Variants in PRH1 observed in about 807,000 individuals in gnomAD.
The protein encoded by PRH1 is proline rich protein HaeIII subfamily 1.
A neutral mutation model predicts 7.9 loss-of-function variants in PRH1; 7 were observed. The ratio of observed to expected loss-of-function variants is 0.89; its 90% confidence interval spans 0.50 to 1.67. The LOEUF is 1.67. Ranked by LOEUF, PRH1 falls within the 40% of genes most tolerant of loss-of-function variation. PRH1 has a pLI of 0.00. For missense variants in PRH1, 109 were observed against 223.6 expected (o/e 0.49, Z 3.27); for synonymous variants, 45 against 80.8 (o/e 0.56, Z 2.38).
intron 1 of PRH1, chr12:10,997,067 A>G (rs760082535): frequency 6.2e-7 from 1 of 1,614,082 alleles, no homozygotes; most frequent in African/African-American, 1.3e-5. Context: ...TGATGGATAT[A>G]TGATTCCAAA....
chr12:11,153,561 T>TCC (rs1947166496), intron 1 of PRH1, among the ~76,000 whole-genome samples: 1 of 152,096 alleles, frequency 6.6e-6, no homozygotes, highest in Non-Finnish European at 1.5e-5. Flanking sequence ...GCACTCTTCC[T>TCC]CCCCTCGCTG....
In PRH1 at chr12:11,097,802, G is replaced by T. The variant is rs187284081; in HGVS notation, n.124-50614C>A. ...TGCTATTTGGTAAATGTGATTTCAGGCTTGTTTCTAAGTACTGGAGCTCAG... is the reference window on the plus strand; with the variant it reads ...TGCTATTTGGTAAATGTGATTTCAGTCTTGTTTCTAAGTACTGGAGCTCAG... On this transcript the variant is annotated intron_variant and non_coding_transcript_variant, in intron 1 of 4. Transcript: ENST00000541977. 8.8e-4 allele frequency among the ~76,000 whole-genome samples: 100 copies of T among 113,210 alleles called. 27 individuals carry two copies. Among genetic ancestry groups the T allele is most frequent in the African/African-American group, 2.7e-3 (91 of 34,078 alleles). 74.3% of individuals were successfully genotyped at this position (113,210 alleles called of 152,430 possible).
At chr12:11,131,106 A>G (rs182118357) in intron 1 of PRH1, among the ~76,000 whole-genome samples, 1 of 151,764 alleles carries the variant, frequency 6.6e-6, no homozygotes, top group East Asian at 1.9e-4. Context: ...AGACAGAACA[A>G]CAGAGATGGT....
chr12:10,913,925 C>G (rs950023670), intron 2 of PRH1, among the ~76,000 whole-genome samples: 1 of 152,188 alleles, frequency 6.6e-6, no homozygotes, highest in Admixed American at 6.5e-5. Context: ...ACTTCTCCTA[C>G]GTGGAGTCCC....
chr12:11,077,645 A>C, intron 1 of PRH1: 1 of 1,281,110 alleles, frequency 7.8e-7, no homozygotes, highest in Non-Finnish European at 1.1e-6. Context: ...TGCAGAGAAC[A>C]GATTAACAGC....
chr12:11,169,442 A>G (rs976607241), intron 1 of PRH1, among the ~76,000 whole-genome samples: 10 of 152,302 alleles, frequency 6.6e-5, no homozygotes, highest in African/African-American at 1.9e-4. Flanking sequence ...TCCCATTGGA[A>G]TAGGCCCTCA....
In PRH1 at chr12:10,951,091, A is replaced by G. The variant is rs1023367119; in HGVS notation, c.-59+22564T>C. Among the ~76,000 whole-genome samples, 10 of 152,286 alleles carry G rather than the reference A, an allele frequency of 6.6e-5. No homozygotes were observed. In the East Asian group the frequency reaches 1.5e-3, roughly 23 times the overall value. On this transcript the variant is annotated intron_variant, in intron 2 of 3. Coordinates refer to the PRH1 transcript ENST00000539853. ...ATGAGTTCAATGCTGCCTTTATGGA[A>G]AAAATGTAATTTTCAAAACGGCTCA...
intron 1 of PRH1, among the ~76,000 whole-genome samples, chr12:11,052,929 TTG>T (rs10581725): frequency 0.39 from 54,244 of 138,700 alleles, 5,611 homozygotes; most frequent in Non-Finnish European, 0.44. Flanking sequence ...TTTTGATTTT[TTG>T]TTTTTTGTTT....
At chr12:11,069,031 C>T (rs1943947086) in intron 1 of PRH1, among the ~76,000 whole-genome samples, 1 of 152,010 alleles carries the variant, frequency 6.6e-6, no homozygotes, top group Non-Finnish European at 1.5e-5. Flanking sequence ...TATCCTCCCA[C>T]CTTAGCCTCC....
At chr12:11,055,679 A>G (rs1412554211) in intron 1 of PRH1, among the ~76,000 whole-genome samples, 1 of 152,226 alleles carries the variant, frequency 6.6e-6, no homozygotes, top group Non-Finnish European at 1.5e-5. Flanking sequence ...AAATCAGGTC[A>G]TATTCTTATT....
At chr12:11,060,030 C>T (rs899953752) in intron 1 of PRH1, among the ~76,000 whole-genome samples, 4 of 152,010 alleles carry the variant, frequency 2.6e-5, no homozygotes, top group Non-Finnish European at 5.9e-5. Context: ...TCTGATTTTA[C>T]AGTTCTTACA....
intron 1 of PRH1, among the ~76,000 whole-genome samples, chr12:10,994,862 T>C (rs925967709): frequency 6.6e-6 from 1 of 152,210 alleles, no homozygotes; most frequent in Non-Finnish European, 1.5e-5. Flanking sequence ...AATATAAATA[T>C]ATCATTCGCA....
At chr12:11,001,166 G>C (rs528688054) in intron 1 of PRH1, among the ~76,000 whole-genome samples, 78 of 151,634 alleles carry the variant, frequency 5.1e-4, no homozygotes, top group African/African-American at 1.8e-3. Flanking sequence ...TTTTTTTTAG[G>C]GGGGGATAGC....
intron 2 of PRH1, among the ~76,000 whole-genome samples, chr12:10,916,597 G>A (rs1296341050): frequency 6.6e-6 from 1 of 151,896 alleles, no homozygotes; most frequent in African/African-American, 2.4e-5. Flanking sequence ...TGGAAGGAAT[G>A]GGCTCTCACC....
At chr12:11,171,509 C>G, upstream of PRH1, 1 of 1,232,392 alleles carries the variant, frequency 8.1e-7, no homozygotes, top group African/African-American at 1.5e-5. Flanking sequence ...ACTTCCCGTA[C>G]TTCTACGTCG....
At chr12:11,078,919 A>G (rs1944404921) in intron 1 of PRH1, 1 of 152,064 alleles carries the variant, frequency 6.6e-6, no homozygotes, top group Admixed American at 6.6e-5. Flanking sequence ...ACATAGACAC[A>G]CATGCACTCA....
intron 1 of PRH1, among the ~76,000 whole-genome samples, chr12:11,023,003 T>C (rs1198609506): frequency 6.6e-6 from 1 of 152,234 alleles, no homozygotes; most frequent in Admixed American, 6.5e-5. Flanking sequence ...TAAAACCCAA[T>C]ACATATATCA....
intron 1 of PRH1, chr12:11,061,964 C>T (rs570933574): frequency 6.2e-7 from 1 of 1,613,948 alleles, no homozygotes; most frequent in African/African-American, 1.3e-5. Context: ...GAGAAATTGG[C>T]AATCTTGAGC....
chr12:11,156,977 C>T (rs569510460), intron 1 of PRH1, among the ~76,000 whole-genome samples: 1 of 151,978 alleles, frequency 6.6e-6, no homozygotes, highest in Non-Finnish European at 1.5e-5. Flanking sequence ...TCCCGAGTAG[C>T]TGGGTCTATA....
Sources: allele counts gnomAD v4.1 joint callset (sites outside exome capture counted in the v4.1 genomes callset), GRCh38; gene constraint gnomAD v4.1.1; transcripts MANE v1.5; gene names NCBI Gene and HGNC (gene_info 2026-07-23, HGNC 2026-07-21).